The following FBXL2 variants were observed in gnomAD, a reference collection of about 807,000 sequenced individuals.
FBXL2 encodes the protein F-box and leucine rich repeat protein 2, also known as F-box/LRR-repeat protein 2.
FBXL2 carries 38 observed loss-of-function variants against 69.2 expected under a neutral mutation model. The observed-to-expected ratio is 0.55, with a 90% CI of 0.42 to 0.72. The LOEUF (loss-of-function observed/expected upper bound fraction) is 0.72. Among genes scored for constraint, FBXL2 ranks in the 30% least tolerant of loss-of-function variants. FBXL2 has a pLI of 0.00. For synonymous variants in FBXL2, 192 were observed against 201.3 expected, an observed-to-expected ratio of 0.95 and a Z score of 0.39; for missense variants, 354 against 520.3, an observed-to-expected ratio of 0.68 and a Z score of 3.11.
rs1222117873 is a variant in FBXL2 at position 33,366,888 on chromosome 3, C to T, written c.290+2169C>T. Among the ~76,000 whole-genome samples, 3 of 151,924 alleles carry T rather than the reference C, an allele frequency of 2.0e-5. No individual in the cohort carries two copies. In the South Asian group the frequency reaches 6.2e-4, roughly 32 times the overall value. ...CTGAAGCAGGAGAATGGCCTGAACT[C>T]GGGAGGTGGAGCTTGGCAGTGAGCA... is the stretch of plus-strand genomic sequence containing the variant. On this transcript the variant is annotated intron_variant, in intron 5 of 14. Coordinates refer to ENST00000484457, the MANE Select transcript of FBXL2 (RefSeq NM_012157.5).
intron 12 of FBXL2, 106 bp downstream of exon 12, chr3:33,378,253 G>A: frequency 3.4e-6 from 4 of 1,182,102 alleles, no homozygotes; most frequent in South Asian, 1.3e-5. Flanking sequence ...GACCCTCCTT[G>A]ATCAACCTCA....
intron 12 of FBXL2, chr3:33,397,024 A>G (rs1466137542): frequency 1.9e-6 from 3 of 1,579,504 alleles, no homozygotes; most frequent in Middle Eastern, 1.7e-4. Context: ...ATTTCAAGCA[A>G]AACAGTTCAC....
chr3:33,356,558 C>T (rs2041217514), intron 2 of FBXL2, among the ~76,000 whole-genome samples: 1 of 152,012 alleles, frequency 6.6e-6, no homozygotes. Flanking sequence ...CTGTGTTGAC[C>T]AGGTTGATCT....
downstream of FBXL2, among the ~76,000 whole-genome samples, chr3:33,406,724 G>A (rs774478225): frequency 6.6e-6 from 1 of 152,230 alleles, no homozygotes; most frequent in Non-Finnish European, 1.5e-5. Flanking sequence ...CGCTAGCAAT[G>A]CCTGGCCTGG....
chr3:33,325,661 G>A (rs924888401), intron 2 of FBXL2, among the ~76,000 whole-genome samples: 1 of 152,068 alleles, frequency 6.6e-6, no homozygotes, highest in African/African-American at 2.4e-5. Flanking sequence ...CATTGTTTAA[G>A]CCTCTTGGAT....
rs772555095 is a variant in FBXL2 at position 33,364,607 on chromosome 3, G to A, written c.196-18G>A. The stretch of plus-strand genomic sequence containing the variant: ...TGAAAAAACAGTATTTTTTCCTCCC[G>A]AACTTTCTTGATTAAAGGGTCGAGT... On this transcript the variant is annotated intron_variant, in intron 4 of 14. Transcript: ENST00000484457. 55 of 1,608,538 alleles carry A rather than the reference G, an allele frequency of 3.4e-5. No individual in the cohort carries two copies. Among genetic ancestry groups the A allele is most frequent in the Admixed American group, 5.0e-5 (3 of 59,454 alleles).
chr3:33,324,375 C>G (rs1489991336), intron 2 of FBXL2, among the ~76,000 whole-genome samples: 19 of 152,134 alleles, frequency 1.2e-4, no homozygotes, highest in Non-Finnish European at 1.5e-5. Context: ...GAAGTCTTTG[C>G]CCATGCCTAT....
chr3:33,409,375 A>G, the FBXL2 span: 9 of 1,613,940 alleles, frequency 5.6e-6, no homozygotes, highest in South Asian at 1.1e-5. Flanking sequence ...TATTTCATCT[A>G]TCAGGCTGCA....
At chr3:33,279,535 G>A (rs924058435) in intron 1 of FBXL2, among the ~76,000 whole-genome samples, 1 of 152,082 alleles carries the variant, frequency 6.6e-6, no homozygotes, top group Non-Finnish European at 1.5e-5. Context: ...TCCCAAGCTG[G>A]GATTGCAGGC....
Position 33,358,950 on chromosome 3 carries a change from T to C in FBXL2, c.66-17T>C. 6.7e-7 allele frequency: 1 copy of C among 1,501,452 alleles called. No homozygotes were observed. The highest frequency in any genetic ancestry group is 1.4e-5 in the South Asian group (1 of 72,736). 93.0% of individuals were successfully genotyped at this position (1,501,452 alleles called of 1,614,324 possible). A position where few individuals can be genotyped will look rare whatever the true frequency, so the allele number is the denominator to read the frequency against. ...TTAACACCATCTCGTTTTTGTGTTT[T>C]TTTCCTCTCTCTGTAGAATATTTTC... is the stretch of plus-strand genomic sequence containing the variant. On this transcript the variant is annotated splice_polypyrimidine_tract_variant and intron_variant, in intron 2 of 14. Coordinates refer to ENST00000484457, the MANE Select transcript of FBXL2 (RefSeq NM_012157.5).
intron 12 of FBXL2, among the ~76,000 whole-genome samples, chr3:33,394,424 T>C (rs2043887894): frequency 6.6e-6 from 1 of 151,814 alleles, no homozygotes; most frequent in Admixed American, 6.6e-5. Context: ...TATATGCCCC[T>C]CCCCCACAAA....
Position 33,297,653 on chromosome 3 carries a change from T to G in FBXL2, c.4-11T>G. 1 of 1,535,038 alleles carries G rather than the reference T, an allele frequency of 6.5e-7. No homozygotes were observed. Among genetic ancestry groups the G allele is most frequent in the Middle Eastern group, 1.7e-4 (1 of 5,834 alleles). On this transcript the variant is annotated splice_polypyrimidine_tract_variant and intron_variant, in intron 1 of 14. Transcript: ENST00000484457. ...ACATTTTCACAATTTCCTTTTTTTT[T>G]TTCTTTCCAGGTTTTCTCAAACAAT...
At chr3:33,367,628 A>G (rs1039227544) in intron 5 of FBXL2, among the ~76,000 whole-genome samples, 1 of 151,178 alleles carries the variant, frequency 6.6e-6, no homozygotes. Context: ...TAAGAGGTCT[A>G]TCAATTTTAT....
chr3:33,344,563 AAAAT>A (rs2040296384), intron 2 of FBXL2, among the ~76,000 whole-genome samples: 1 of 152,178 alleles, frequency 6.6e-6, no homozygotes, highest in South Asian at 2.1e-4. Flanking sequence ...TAAGTGTTCA[AAAAT>A]AAATTCCAGA....
At chr3:33,384,296 C>T in intron 14 of FBXL2, 95 bp downstream of exon 14, 1 of 1,237,464 alleles carries the variant, frequency 8.1e-7, no homozygotes, top group African/African-American at 1.5e-5. Context: ...CGCGGTGGCT[C>T]ACGCCTGTAA....
downstream of FBXL2, chr3:33,390,431 GA>G (rs1240017571): frequency 1.9e-6 from 3 of 1,577,042 alleles, no homozygotes; most frequent in Non-Finnish European, 2.6e-6. Context: ...CTATTAAATG[GA>G]AAACTCCCTG....
At chr3:33,362,648 C>G (rs573708643) in intron 4 of FBXL2, among the ~76,000 whole-genome samples, 4 of 152,256 alleles carry the variant, frequency 2.6e-5, no homozygotes, top group African/African-American at 9.6e-5. Flanking sequence ...TGTTCAATTC[C>G]CTGTATACAT....
At chr3:33,310,300 C>T (rs756703297) in intron 2 of FBXL2, among the ~76,000 whole-genome samples, 45 of 151,842 alleles carry the variant, frequency 3.0e-4, no homozygotes, top group Non-Finnish European at 4.6e-4. Context: ...TACAGGCTCA[C>T]GCCACCACGC....
At chr3:33,400,588 A>G (rs138175732) in intron 12 of FBXL2, among the ~76,000 whole-genome samples, 1 of 152,358 alleles carries the variant, frequency 6.6e-6, no homozygotes, top group Non-Finnish European at 1.5e-5. Context: ...AAAGACTTAT[A>G]TTCTCACTTA....
Sources: allele counts gnomAD v4.1 joint callset (sites outside exome capture counted in the v4.1 genomes callset), GRCh38; gene constraint gnomAD v4.1.1; transcripts MANE v1.5; gene names NCBI Gene and HGNC (gene_info 2026-07-23, HGNC 2026-07-21).